The following FSTL4 variants were observed in gnomAD, a reference collection of about 807,000 sequenced individuals.
FSTL4 encodes follistatin like 4.
FSTL4 carries 28 observed loss-of-function variants against 78.2 expected under a neutral mutation model. The ratio of observed to expected loss-of-function variants is 0.36; its 90% CI spans 0.27 to 0.49. The LOEUF is 0.49. Among genes scored for constraint, FSTL4 ranks in the 20% least tolerant of loss-of-function variants. FSTL4 has a pLI of 0.98. For missense variants in FSTL4, 922 were observed against 1,084.9 expected (o/e 0.85, Z 2.11); for synonymous variants, 422 against 440.5 (o/e 0.96, Z 0.53).
rs1189204300 is a variant in FSTL4 at position 133,225,915 on chromosome 5, C to T, written c.1016-96G>A. On this transcript the variant is annotated intron_variant, in intron 8 of 15. Coordinates refer to ENST00000265342, the MANE Select transcript of FSTL4 (RefSeq NM_015082.2). The surrounding 1 kb of genome is among the most constrained non-coding windows in gnomAD (Gnocchi z 4.6). ...GAGACCCTGCTCCAGAGGGGGTGAA[C>T]CCAAGTAGGTGACTGGAGTTCTGTG... is the stretch of plus-strand genomic sequence containing the variant. 1 of 884,454 alleles carries T rather than the reference C, an allele frequency of 1.1e-6. No homozygotes were observed. The highest frequency in any genetic ancestry group is 1.7e-5 in the African/African-American group (1 of 59,408). The allele number at this position is 884,454 out of a possible 1,614,324, so 54.8% of individuals were successfully genotyped here. A position where few individuals can be genotyped will look rare whatever the true frequency, so the allele number is the denominator to read the frequency against.
intron 6 of FSTL4, among the ~76,000 whole-genome samples, chr5:133,262,331 GTCT>G (rs1581578411): frequency 1.3e-5 from 2 of 152,184 alleles, no homozygotes; most frequent in African/African-American, 4.8e-5. Context: ...GACTGATTCT[GTCT>G]GCTTTACACA....
At chr5:133,393,845 A>AGCTGGCTT (rs1222848362) in intron 4 of FSTL4, among the ~76,000 whole-genome samples, 9 of 152,260 alleles carry the variant, frequency 5.9e-5, no homozygotes, top group African/African-American at 2.2e-4. Context: ...GAGAAGGTGC[A>AGCTGGCTT]GCTGGCTTCT....
chr5:133,556,383 G>A (rs1759786701), intron 3 of FSTL4, among the ~76,000 whole-genome samples: 1 of 152,106 alleles, frequency 6.6e-6, no homozygotes, highest in African/African-American at 2.4e-5. Flanking sequence ...TAAAACTTTT[G>A]CCTCTAAATT....
intron 4 of FSTL4, among the ~76,000 whole-genome samples, chr5:133,319,411 G>A (rs78905369): frequency 0.011 from 1,644 of 152,352 alleles, 23 homozygotes; most frequent in Non-Finnish European, 0.018. Flanking sequence ...GGCACTGTGG[G>A]TGCCTGTGGT....
chr5:133,346,810 C>T (rs1754705561), intron 4 of FSTL4, among the ~76,000 whole-genome samples: 1 of 152,104 alleles, frequency 6.6e-6, no homozygotes, highest in African/African-American at 2.4e-5. Flanking sequence ...TTCTCTCTCG[C>T]CTTTTCCATT....
At chr5:133,472,316 T>C (rs1413007570) in intron 3 of FSTL4, among the ~76,000 whole-genome samples, 1 of 152,152 alleles carries the variant, frequency 6.6e-6, no homozygotes, top group Admixed American at 6.5e-5. Context: ...GTGCACACTT[T>C]CTCAGGAAAT....
At chr5:133,464,910 A>C (rs530990240) in intron 3 of FSTL4, among the ~76,000 whole-genome samples, 1 of 152,268 alleles carries the variant, frequency 6.6e-6, no homozygotes, top group Admixed American at 6.5e-5. Flanking sequence ...ACTCAACCAC[A>C]TCTATAATAC....
the FSTL4 span, among the ~76,000 whole-genome samples, chr5:133,619,755 G>C: frequency 6.6e-6 from 1 of 152,176 alleles, no homozygotes; most frequent in African/African-American, 2.4e-5. Context: ...ACAAATGCAT[G>C]CACATACATC....
At chr5:133,209,644 C>G (rs141365855) in intron 14 of FSTL4, 1 of 152,258 alleles carries the variant, frequency 6.6e-6, no homozygotes, top group Non-Finnish European at 1.5e-5. Context: ...AGGGATCCCA[C>G]GGATCTCTGG....
intron 6 of FSTL4, among the ~76,000 whole-genome samples, chr5:133,266,181 GCAGAGCA>G (rs1441037420): frequency 2.6e-5 from 4 of 152,252 alleles, no homozygotes; most frequent in African/African-American, 9.6e-5. Context: ...TTCTGAGCAT[GCAGAGCA>G]CAGAGCCCAG....
chr5:133,421,766 C>T (rs567083283), intron 3 of FSTL4, among the ~76,000 whole-genome samples: 27 of 152,262 alleles, frequency 1.8e-4, no homozygotes, highest in Non-Finnish European at 2.9e-4. Flanking sequence ...ATCATGCTCA[C>T]TCATTCATTC....
At chr5:133,318,409 G>C (rs1178162999) in intron 4 of FSTL4, among the ~76,000 whole-genome samples, 1 of 152,154 alleles carries the variant, frequency 6.6e-6, no homozygotes, top group Non-Finnish European at 1.5e-5. Flanking sequence ...TTGGGGAAGA[G>C]GAGGAATAGT....
intron 3 of FSTL4, among the ~76,000 whole-genome samples, chr5:133,552,959 G>A (rs1561466823): frequency 6.6e-6 from 1 of 152,214 alleles, no homozygotes; most frequent in African/African-American, 2.4e-5. Flanking sequence ...TGGTAGAAGA[G>A]CCACAGAATT....
At chr5:133,669,140 ACTT>A in the FSTL4 span, among the ~76,000 whole-genome samples, 4 of 152,114 alleles carry the variant, frequency 2.6e-5, no homozygotes, top group African/African-American at 9.7e-5. Context: ...CACCAAAATC[ACTT>A]CTTCAACAGC....
upstream of FSTL4, among the ~76,000 whole-genome samples, chr5:133,614,104 C>T (rs188263296): frequency 1.3e-5 from 2 of 152,314 alleles, no homozygotes; most frequent in East Asian, 3.9e-4. Flanking sequence ...TGGTCAGGAA[C>T]GTACACCATG....
chr5:133,631,536 T>A, the FSTL4 span, among the ~76,000 whole-genome samples: 1 of 152,172 alleles, frequency 6.6e-6, no homozygotes, highest in South Asian at 2.1e-4. Flanking sequence ...AGGAACACTT[T>A]TACACTGCTG....
chr5:133,761,129 G>A, the FSTL4 span, among the ~76,000 whole-genome samples: 110 of 152,292 alleles, frequency 7.2e-4, no homozygotes, highest in Admixed American at 3.2e-3. Flanking sequence ...TTCTCATTTT[G>A]TTCTATTCTG....
At chr5:133,382,491 G>A (rs1430540820) in intron 4 of FSTL4, among the ~76,000 whole-genome samples, 2 of 152,136 alleles carry the variant, frequency 1.3e-5, no homozygotes, top group African/African-American at 4.8e-5. Context: ...CAAGAATACT[G>A]AGCAATAACT....
chr5:133,261,221 C>T (rs911173576), intron 6 of FSTL4, among the ~76,000 whole-genome samples: 1 of 152,062 alleles, frequency 6.6e-6, no homozygotes, highest in Admixed American at 6.5e-5. Flanking sequence ...CCATGGTTCC[C>T]GAATGTCACC....
Sources: allele counts gnomAD v4.1 joint callset (sites outside exome capture counted in the v4.1 genomes callset), GRCh38; gene constraint gnomAD v4.1.1; non-coding constraint Gnocchi (gnomAD v3.1); transcripts MANE v1.5; gene names NCBI Gene and HGNC (gene_info 2026-07-23, HGNC 2026-07-21).